CPNE4: variants seen among roughly 807,000 people sequenced by gnomAD.
CPNE4 encodes copine 4, also known as copine-4.
CPNE4 carries 25 observed loss-of-function variants against 67.9 expected under a neutral mutation model. That is an observed-to-expected ratio of 0.37 (90% CI 0.27 to 0.51). The LOEUF (loss-of-function observed/expected upper bound fraction) is 0.51, where lower values mean the gene tolerates loss of function less well. Ranked by LOEUF, CPNE4 falls within the 20% of genes least tolerant of loss-of-function variation. The pLI is 0.93. For synonymous variants in CPNE4, 242 were observed against 244.9 expected (o/e 0.99, Z 0.11); for missense variants, 464 against 690.8 (o/e 0.67, Z 3.68).
chr3:131,886,518 A>G (rs2087900540), intron 2 of CPNE4, among the ~76,000 whole-genome samples: 1 of 152,166 alleles, frequency 6.6e-6, no homozygotes, highest in Non-Finnish European at 1.5e-5. Flanking sequence ...AGCTGTGAGA[A>G]GAGGGCCACT....
At chr3:131,538,145 T>A (rs1337344693) in intron 15 of CPNE4, among the ~76,000 whole-genome samples, 2 of 152,230 alleles carry the variant, frequency 1.3e-5, no homozygotes, top group African/African-American at 4.8e-5. Flanking sequence ...CAGCAAAAAA[T>A]ATTCCTAAAC....
At chr3:131,912,325 A>G (rs1314107821) in intron 1 of CPNE4, among the ~76,000 whole-genome samples, 2 of 152,180 alleles carry the variant, frequency 1.3e-5, no homozygotes, top group Admixed American at 6.5e-5. Context: ...TCAAGAGGGA[A>G]GAGAATCAGC....
chr3:131,727,883 C>T (rs2082037500), intron 2 of CPNE4, among the ~76,000 whole-genome samples: 1 of 152,118 alleles, frequency 6.6e-6, no homozygotes, highest in African/African-American at 2.4e-5. Context: ...TTTAATCTTT[C>T]ACGCAATTAT....
chr3:131,762,358 T>C (rs1036003116), intron 2 of CPNE4, among the ~76,000 whole-genome samples: 4 of 152,140 alleles, frequency 2.6e-5, no homozygotes, highest in African/African-American at 9.7e-5. Flanking sequence ...AAATGTTTGA[T>C]ATACCAGACT....
At position 132,007,931 on chromosome 3, in the gene CPNE4, T is replaced by C. The variant is rs116220500; in HGVS notation, c.-2+26636A>G. Among the ~76,000 whole-genome samples the C allele has an allele frequency of 2.1e-3, 315 of 152,256 alleles. 3 individuals carry two copies. Among genetic ancestry groups the C allele is most frequent in the African/African-American group, 7.1e-3 (295 of 41,554 alleles). ...TGGCACAAAGTTTGTTCACAATGGA[T>C]AGCTCCAATTTGAATGGCACATTTC... is the stretch of plus-strand genomic sequence containing the variant. On this transcript the variant is annotated intron_variant, in intron 1 of 15. Transcript: ENST00000429747.
chr3:131,902,269 A>C (rs2088582445), intron 2 of CPNE4, among the ~76,000 whole-genome samples: 2 of 152,078 alleles, frequency 1.3e-5, no homozygotes, highest in African/African-American at 4.8e-5. Flanking sequence ...CTGTGGCACA[A>C]GGTTCTTATC....
At chr3:131,564,063 CTT>C (rs1210720788) in intron 11 of CPNE4, among the ~76,000 whole-genome samples, 151 bp downstream of exon 11, 1 of 152,018 alleles carries the variant, frequency 6.6e-6, no homozygotes, top group Non-Finnish European at 1.5e-5. Flanking sequence ...AAGGTACAAA[CTT>C]AGTTTTTCTA....
intron 3 of CPNE4, among the ~76,000 whole-genome samples, chr3:131,703,782 G>C (rs899203306): frequency 6.6e-6 from 1 of 151,892 alleles, no homozygotes; most frequent in African/African-American, 2.4e-5. Context: ...ATACTTTCTA[G>C]GTACCAGTTA....
chr3:131,997,400 G>A (rs922556502), intron 1 of CPNE4, among the ~76,000 whole-genome samples: 1 of 152,052 alleles, frequency 6.6e-6, no homozygotes, highest in South Asian at 2.1e-4. Flanking sequence ...CTGAGAAATG[G>A]TCTACTTAAG....
intron 1 of CPNE4, among the ~76,000 whole-genome samples, chr3:131,974,737 G>C (rs961356655): frequency 6.6e-6 from 1 of 152,234 alleles, no homozygotes; most frequent in Non-Finnish European, 1.5e-5. Context: ...GCTGGGCCCA[G>C]TGGCTCACGT....
At chr3:131,653,397 C>T (rs2079864389) in intron 7 of CPNE4, among the ~76,000 whole-genome samples, 1 of 152,034 alleles carries the variant, frequency 6.6e-6, no homozygotes, top group Non-Finnish European at 1.5e-5. Flanking sequence ...ATCTGCCCGC[C>T]TCGGCCTCCC....
At chr3:131,576,980 G>C (rs973458971) in intron 9 of CPNE4, among the ~76,000 whole-genome samples, 4 of 152,018 alleles carry the variant, frequency 2.6e-5, no homozygotes, top group Non-Finnish European at 4.4e-5. Context: ...ATGCTAAAAG[G>C]CAGGTTGTTT....
intron 2 of CPNE4, among the ~76,000 whole-genome samples, chr3:131,764,976 A>G (rs147115226): frequency 1.1e-3 from 171 of 152,224 alleles, no homozygotes; most frequent in Middle Eastern, 0.01. Context: ...AATCCAGGAT[A>G]CCAGTGGATT....
At chr3:131,938,440 A>G (rs1441424181) in intron 1 of CPNE4, among the ~76,000 whole-genome samples, 2 of 152,120 alleles carry the variant, frequency 1.3e-5, no homozygotes, top group Non-Finnish European at 2.9e-5. Context: ...TAATATAATA[A>G]AAAATGTCTC....
intron 9 of CPNE4, among the ~76,000 whole-genome samples, chr3:131,581,273 T>C (rs1379899428): frequency 2.0e-5 from 3 of 152,080 alleles, no homozygotes; most frequent in Non-Finnish European, 4.4e-5. Context: ...AAATGTTGGC[T>C]TCCCCATTTG....
At chr3:131,771,316 T>A (rs1157287416) in intron 2 of CPNE4, among the ~76,000 whole-genome samples, 1 of 152,134 alleles carries the variant, frequency 6.6e-6, no homozygotes, top group Non-Finnish European at 1.5e-5. Context: ...CTGTTATAGT[T>A]GGTATGTTTG....
At chr3:131,716,419 G>T (rs2081687131) in intron 3 of CPNE4, among the ~76,000 whole-genome samples, 1 of 152,104 alleles carries the variant, frequency 6.6e-6, no homozygotes, top group Admixed American at 6.5e-5. Context: ...CTTAAAAATA[G>T]TATCAGAAGA....
chr3:131,709,417 C>T (rs924033606), intron 3 of CPNE4, among the ~76,000 whole-genome samples: 4 of 152,116 alleles, frequency 2.6e-5, no homozygotes, highest in Admixed American at 6.6e-5. Context: ...TGCTAGAGTG[C>T]CGTATCTGGT....
At chr3:131,698,909 CAAAAAAA>C (rs750798265) in intron 4 of CPNE4, among the ~76,000 whole-genome samples, 6 of 87,062 alleles carry the variant, frequency 6.9e-5, no homozygotes, top group African/African-American at 1.9e-4. Flanking sequence ...GACACTGTCT[CAAAAAAA>C]AAAAAAAAAA....
Sources: gnomAD v4.1 joint callset for allele counts (sites outside exome capture counted in the v4.1 genomes callset) on GRCh38, gnomAD v4.1.1 for gene constraint, MANE v1.5 for transcripts, NCBI Gene and HGNC (gene_info 2026-07-23, HGNC 2026-07-21) for gene names.